The following TANC2 variants were observed in gnomAD, a reference collection of about 807,000 sequenced individuals.
TANC2 encodes tetratricopeptide repeat, ankyrin repeat and coiled-coil containing 2.
TANC2 carries 26 observed loss-of-function variants against 210.5 expected under a neutral mutation model. The observed-to-expected ratio is 0.12, with a 90% CI of 0.09 to 0.17. TANC2 has a LOEUF of 0.17. Among genes scored for constraint, TANC2 ranks in the 10% least tolerant of loss-of-function variants. The pLI, the probability that TANC2 is intolerant of heterozygous loss-of-function variation, is 1.00. For missense variants in TANC2, 2,129 were observed against 2,608.9 expected (o/e 0.82, Z 4.01); for synonymous variants, 931 against 967.1 (o/e 0.96, Z 0.69).
intron 4 of TANC2, among the ~76,000 whole-genome samples, chr17:63,116,750 CTAAG>C (rs1413382686): frequency 1.3e-5 from 2 of 152,124 alleles, no homozygotes; most frequent in Non-Finnish European, 2.9e-5. Context: ...TTTAATATCT[CTAAG>C]TATTTAAAAA....
rs1250005600 is a variant in TANC2, at chr17:63,143,044, T to TA, written c.323-8225dup. 1.1e-4 allele frequency among the ~76,000 whole-genome samples: 16 copies of TA among 152,348 alleles called. No individual in the cohort carries two copies. In the East Asian group the frequency reaches 3.1e-3, roughly 29 times the overall value. ...TGTTTGAATCCCCTGAAGCATTTCT[T>TA]ACTGCTCTGTGCACATGGTAGGAAC... On this transcript the variant is annotated intron_variant, in intron 4 of 27. Transcript: ENST00000689528.
intron 8 of TANC2, among the ~76,000 whole-genome samples, chr17:63,243,629 A>G (rs1392694700): frequency 6.6e-6 from 1 of 152,244 alleles, no homozygotes; most frequent in African/African-American, 2.4e-5. Context: ...CATAGAAACA[A>G]AATGATCACA....
intron 12 of TANC2, among the ~76,000 whole-genome samples, chr17:63,345,838 G>A (rs753725988): frequency 6.6e-6 from 1 of 152,114 alleles, no homozygotes; most frequent in Non-Finnish European, 1.5e-5. Flanking sequence ...GGGATGGGGG[G>A]CTGATTTGAT....
intron 2 of TANC2, among the ~76,000 whole-genome samples, chr17:63,030,528 C>T (rs887492708): frequency 6.6e-6 from 1 of 152,076 alleles, no homozygotes; most frequent in Non-Finnish European, 1.5e-5. Context: ...AACAACTAAT[C>T]CCTTCTTGGG....
At chr17:63,207,739 G>A (rs1215426562) in intron 7 of TANC2, among the ~76,000 whole-genome samples, 4 of 152,018 alleles carry the variant, frequency 2.6e-5, no homozygotes, top group Admixed American at 6.6e-5. Context: ...TGTATGATTC[G>A]GAATGTTAGA....
intron 3 of TANC2, among the ~76,000 whole-genome samples, chr17:63,095,448 A>G (rs2037352413): frequency 6.6e-6 from 1 of 152,066 alleles, no homozygotes; most frequent in South Asian, 2.1e-4. Context: ...TGGGATTTCA[A>G]ATGTGGGCCA....
At chr17:63,176,872 T>G (rs1250332749) in intron 5 of TANC2, among the ~76,000 whole-genome samples, 2 of 151,328 alleles carry the variant, frequency 1.3e-5, no homozygotes, top group Admixed American at 6.6e-5. Flanking sequence ...GAGAGTGAGT[T>G]TGCCTGCAAA....
intron 1 of TANC2, chr17:62,978,466 G>A (rs1197150259): frequency 6.6e-6 from 1 of 152,152 alleles, no homozygotes; most frequent in African/African-American, 2.4e-5. Context: ...TCTTTATTCT[G>A]GGGTCTTTAG....
intron 15 of TANC2, among the ~76,000 whole-genome samples, chr17:63,385,420 G>A (rs1216289867): frequency 1.3e-5 from 2 of 152,210 alleles, no homozygotes; most frequent in Non-Finnish European, 2.9e-5. Flanking sequence ...GTGTGCTCAA[G>A]AACCTAACTT....
intron 14 of TANC2, among the ~76,000 whole-genome samples, chr17:63,361,224 C>G (rs1412910185): frequency 6.6e-6 from 1 of 152,192 alleles, no homozygotes; most frequent in Non-Finnish European, 1.5e-5. Context: ...CTTTGCCAGC[C>G]AGAAACCTCT....
intron 7 of TANC2, among the ~76,000 whole-genome samples, chr17:63,222,720 A>C (rs935925710): frequency 1.3e-5 from 2 of 148,864 alleles, no homozygotes; most frequent in African/African-American, 2.5e-5. Flanking sequence ...AAACTGATTA[A>C]ACACACACAC....
At chr17:63,023,861 G>C (rs917896721) in intron 2 of TANC2, among the ~76,000 whole-genome samples, 2 of 152,124 alleles carry the variant, frequency 1.3e-5, no homozygotes, top group African/African-American at 4.8e-5. Flanking sequence ...CTTTGAAATT[G>C]CATTTGAAAC....
chr17:63,419,895 G>A, intron 27 of TANC2, 104 bp from the exon 28 acceptor site: 1 of 1,343,458 alleles, frequency 7.4e-7, no homozygotes, highest in Non-Finnish European at 9.9e-7. Flanking sequence ...GACTCCCACA[G>A]ACGCCACCAC....
At chr17:63,147,506 A>G (rs2039503797) in intron 4 of TANC2, among the ~76,000 whole-genome samples, 1 of 152,224 alleles carries the variant, frequency 6.6e-6, no homozygotes, top group Non-Finnish European at 1.5e-5. Flanking sequence ...TCTCTAATCC[A>G]GTGTTCACAA....
At chr17:63,248,017 C>T (rs887013701) in intron 8 of TANC2, among the ~76,000 whole-genome samples, 2 of 151,972 alleles carry the variant, frequency 1.3e-5, no homozygotes, top group East Asian at 1.9e-4. Flanking sequence ...TTTTCCAGAA[C>T]GTAGAGAAAT....
intron 7 of TANC2, among the ~76,000 whole-genome samples, chr17:63,230,372 G>A (rs1344580665): frequency 1.3e-5 from 2 of 152,064 alleles, no homozygotes; most frequent in Non-Finnish European, 2.9e-5. Flanking sequence ...TAGTTGTGAT[G>A]TTAGGGTATC....
At chr17:63,405,678 A>G (rs2048481575) in intron 20 of TANC2, among the ~76,000 whole-genome samples, 1 of 152,216 alleles carries the variant, frequency 6.6e-6, no homozygotes, top group South Asian at 2.1e-4. Context: ...TAATTTATAC[A>G]CTTAGGATGG....
At chr17:63,118,178 A>C (rs2145101592) in intron 4 of TANC2, among the ~76,000 whole-genome samples, 1 of 152,348 alleles carries the variant, frequency 6.6e-6, no homozygotes, top group Non-Finnish European at 1.5e-5. Flanking sequence ...TTTTGTAAAC[A>C]AGCTTTCTTA....
chr17:63,139,527 T>C (rs1021231321), intron 4 of TANC2, among the ~76,000 whole-genome samples: 1 of 152,110 alleles, frequency 6.6e-6, no homozygotes. Flanking sequence ...ACTTGTTTGA[T>C]CCTGACAGGT....
Sources: allele counts gnomAD v4.1 joint callset (sites outside exome capture counted in the v4.1 genomes callset), GRCh38; gene constraint gnomAD v4.1.1; transcripts MANE v1.5; gene names NCBI Gene and HGNC (gene_info 2026-07-23, HGNC 2026-07-21).